The following SLC38A8 variants were observed in gnomAD, a reference collection of about 807,000 sequenced individuals.
SLC38A8 encodes solute carrier family 38 member 8, also known as amino acid transporter SLC38A8.
In SLC38A8, 65 loss-of-function variants were observed where a neutral mutation model predicts 46.0. The observed-to-expected ratio is 1.41, with a 90% confidence interval of 1.16 to 1.74. The LOEUF (loss-of-function observed/expected upper bound fraction) is 1.74, where lower values mean the gene tolerates loss of function less well. Ranked by LOEUF, SLC38A8 falls within the 40% of genes most tolerant of loss-of-function variation. The pLI, the probability that SLC38A8 is intolerant of heterozygous loss-of-function variation, is 0.00. For missense variants in SLC38A8, 998 were observed against 567.9 expected, an observed-to-expected ratio of 1.76 and a Z score of -7.70; for synonymous variants, 447 against 243.7, an observed-to-expected ratio of 1.83 and a Z score of -7.77.
chr16:84,042,200 C>T (rs374200942), intron 1 of SLC38A8, 41 bp from the exon 2 acceptor site: 9 of 1,554,614 alleles, frequency 5.8e-6, no homozygotes, highest in South Asian at 3.7e-5. Context: ...ACAGTCTTCA[C>T]GCTTTCCTCC....
At chr16:84,022,747 C>T in intron 7 of SLC38A8, 28 bp downstream of exon 7, 2 of 1,585,232 alleles carry the variant, frequency 1.3e-6, no homozygotes, top group Non-Finnish European at 1.7e-6. Flanking sequence ...TCCCCACCCT[C>T]TGCAGGGGTG....
chr16:84,034,705 G>T (rs2085282180), intron 3 of SLC38A8, among the ~76,000 whole-genome samples: 1 of 152,160 alleles, frequency 6.6e-6, no homozygotes, highest in African/African-American at 2.4e-5. Context: ...AAAGCAGGTG[G>T]TCACAGCAGC....
chr16:84,029,559 C>G lies in SLC38A8; in HGVS notation c.633-8G>C, dbSNP rs747636193. On this transcript the variant is annotated splice_polypyrimidine_tract_variant and splice_region_variant and intron_variant, in intron 5 of 10. Coordinates refer to ENST00000299709, the MANE Select transcript of SLC38A8 (RefSeq NM_001080442.3). ...GAGGTCCAGGAGGCAGGGCTGTAAA[C>G]AGACAAGAACAGGAGTTTATTAAAG... 4 of 1,613,976 alleles carry G rather than the reference C, an allele frequency of 2.5e-6. No homozygotes were observed. Among genetic ancestry groups the G allele is most frequent in the South Asian group, 1.1e-5 (1 of 91,052 alleles).
At position 84,017,814 on chromosome 16, in the gene SLC38A8, A is replaced by C. The variant is rs73240266; in HGVS notation, c.806-527T>G. ...ACCCCGGGTTGCCTGCCCTGTCCTG[A>C]GAGATAGGTCTCTAAGAGCCATGTT... is the stretch of plus-strand genomic sequence containing the variant. On this transcript the variant is annotated intron_variant, in intron 7 of 10. Coordinates refer to ENST00000299709, the MANE Select transcript of SLC38A8 (RefSeq NM_001080442.3). 8.7e-3 allele frequency among the ~76,000 whole-genome samples: 1,323 copies of C among 152,260 alleles called. 15 individuals carry two copies. Among genetic ancestry groups the C allele is most frequent in the African/African-American group, 0.03 (1,234 of 41,562 alleles).
intron 7 of SLC38A8, among the ~76,000 whole-genome samples, chr16:84,019,502 G>T (rs1206602968): frequency 2.0e-5 from 3 of 152,180 alleles, no homozygotes; most frequent in African/African-American, 7.2e-5. Flanking sequence ...GCTTCTTAAA[G>T]GCCCCACCTC....
At chr16:84,014,303 G>A (rs1029376415) in intron 9 of SLC38A8, among the ~76,000 whole-genome samples, 16 of 147,572 alleles carry the variant, frequency 1.1e-4, no homozygotes, top group African/African-American at 4.0e-4. Context: ...CCCACAGCCT[G>A]AATAAGGAGC....
intron 9 of SLC38A8, 40 bp from the exon 10 acceptor site, chr16:84,013,092 A>G: frequency 6.2e-7 from 1 of 1,613,116 alleles, no homozygotes; most frequent in South Asian, 1.1e-5. Flanking sequence ...CTTCGTTATC[A>G]AACCCAAAGC....
chr16:84,025,171 A>G (rs983483227), intron 6 of SLC38A8, among the ~76,000 whole-genome samples: 3 of 151,828 alleles, frequency 2.0e-5, no homozygotes, highest in African/African-American at 7.3e-5. Flanking sequence ...CTTTTTCCGG[A>G]CACACTGGTG....
At chr16:84,022,980 G>C in intron 6 of SLC38A8, 91 bp from the exon 7 acceptor site, 1 of 853,974 alleles carries the variant, frequency 1.2e-6, no homozygotes, top group East Asian at 2.8e-5. Flanking sequence ...CGGGAAATGT[G>C]GGATATGATG....
chr16:84,033,282 A>C (rs2085265822), intron 4 of SLC38A8, 46 bp downstream of exon 4: 1 of 1,612,844 alleles, frequency 6.2e-7, no homozygotes, highest in Non-Finnish European at 8.5e-7. Context: ...TGACACAAAC[A>C]CTCAGCAAGG....
At chr16:84,016,853 T>A in intron 8 of SLC38A8, 126 bp from the exon 9 acceptor site, 1 of 1,170,444 alleles carries the variant, frequency 8.5e-7, no homozygotes, top group Non-Finnish European at 1.2e-6. Flanking sequence ...CACTCAGGTG[T>A]TTATTCCCCA....
intron 6 of SLC38A8, among the ~76,000 whole-genome samples, chr16:84,027,953 A>T (rs1055951662): frequency 6.6e-6 from 1 of 152,222 alleles, no homozygotes; most frequent in Non-Finnish European, 1.5e-5. Context: ...GGCGTGCAGG[A>T]AGCAATGTGA....
chr16:84,025,437 T>C (rs1362835091), intron 6 of SLC38A8, among the ~76,000 whole-genome samples: 1 of 152,152 alleles, frequency 6.6e-6, no homozygotes, highest in Non-Finnish European at 1.5e-5. Flanking sequence ...GTGGGCTGGT[T>C]TCCTCTCTCA....
Position 84,009,769 on chromosome 16 carries a change from G to C in SLC38A8, c.*15C>G. 1.2e-6 allele frequency: 2 copies of C among 1,610,954 alleles called. No individual in the cohort carries two copies. The highest frequency in any genetic ancestry group is 1.7e-6 in the Non-Finnish European group (2 of 1,178,658). The stretch of plus-strand genomic sequence containing the variant: ...GCCCCCGGAGGGCCCCTTCCTGCCC[G>C]GCACTAGCTGCCCATCAGAACATCT... On this transcript the variant is annotated 3_prime_UTR_variant, in exon 11 of 11. Coordinates refer to ENST00000299709, the MANE Select transcript of SLC38A8 (RefSeq NM_001080442.3).
intron 9 of SLC38A8, among the ~76,000 whole-genome samples, chr16:84,014,212 C>A (rs1289779484): frequency 2.6e-5 from 4 of 151,252 alleles, no homozygotes; most frequent in Non-Finnish European, 4.4e-5. Flanking sequence ...AGCTGTGTAG[C>A]CACACCCTCA....
rs2085245107 is a variant in SLC38A8, at chr16:84,031,936, G to A, written c.563C>T (p.Ala188Val). 1 of 1,614,232 alleles carries A rather than the reference G, an allele frequency of 6.2e-7. No homozygotes were observed. The highest frequency in any genetic ancestry group is 8.5e-7 in the Non-Finnish European group (1 of 1,180,040). Reference sequence around the variant, plus strand: ...GTAGTACTGCACGGTGATGACCAGGGCCAGGTAACAGGCAGCCAGAGTGCC... The same window carrying A: ...GTAGTACTGCACGGTGATGACCAGGACCAGGTAACAGGCAGCCAGAGTGCC... Reference protein sequence around the residue: ...ILGTLAACYLALVITVQYYLW... With the variant: ...ILGTLAACYLVLVITVQYYLW... Residue 188 changes from alanine (A) to valine (V), a missense_variant, in exon 5 of 11, where the codon GCC (alanine) becomes GTC (valine). Ala to Val is a moderately conservative substitution (Grantham distance 64). Coordinates refer to ENST00000299709, the MANE Select transcript of SLC38A8 (RefSeq NM_001080442.3).
intron 6 of SLC38A8, among the ~76,000 whole-genome samples, chr16:84,027,800 G>A (rs566547997): frequency 1.3e-5 from 2 of 152,310 alleles, no homozygotes; most frequent in African/African-American, 2.4e-5. Context: ...AAGGTGAGGG[G>A]CACCCCTTGC....
At chr16:84,015,394 T>A (rs560480679) in intron 9 of SLC38A8, among the ~76,000 whole-genome samples, 1 of 152,152 alleles carries the variant, frequency 6.6e-6, no homozygotes, top group East Asian at 1.9e-4. Flanking sequence ...GGTGTTTGCC[T>A]CCAGGGCCTG....
intron 6 of SLC38A8, among the ~76,000 whole-genome samples, chr16:84,026,801 C>T (rs2151121103): frequency 6.6e-6 from 1 of 152,262 alleles, no homozygotes; most frequent in East Asian, 1.9e-4. Flanking sequence ...TAAAAGGCCA[C>T]AATAGGATTC....
Sources: gnomAD v4.1 joint callset for allele counts (sites outside exome capture counted in the v4.1 genomes callset) on GRCh38, gnomAD v4.1.1 for gene constraint, MANE v1.5 for transcripts, NCBI Gene and HGNC (gene_info 2026-07-23, HGNC 2026-07-21) for gene names.